Variants in SKAP2 observed in about 807,000 individuals in gnomAD.
SKAP2 encodes src kinase-associated phosphoprotein 2.
Under a neutral mutation model 54.9 loss-of-function variants are expected in SKAP2, and 28 were observed. The ratio of observed to expected loss-of-function variants is 0.51; its 90% CI spans 0.38 to 0.70. The LOEUF (loss-of-function observed/expected upper bound fraction) is 0.70. SKAP2 is among the 30% of genes least tolerant of loss of function. The pLI, the probability that SKAP2 is intolerant of heterozygous loss-of-function variation, is 0.00. For synonymous variants in SKAP2, 137 were observed against 134.3 expected (o/e 1.02, Z -0.14); for missense variants, 356 against 424.1 (o/e 0.84, Z 1.41).
chr7:26,707,643 T>C (rs935920343), intron 9 of SKAP2, among the ~76,000 whole-genome samples: 1 of 152,138 alleles, frequency 6.6e-6, no homozygotes, highest in African/African-American at 2.4e-5. Flanking sequence ...ATCATTTGCA[T>C]GGTGGGGTTG....
chr7:26,663,215 A>G (rs1786045377), downstream of SKAP2, among the ~76,000 whole-genome samples: 1 of 152,124 alleles, frequency 6.6e-6, no homozygotes, highest in Non-Finnish European at 1.5e-5. Context: ...CTCTTGGGCT[A>G]TAAGACAGTC....
At chr7:26,664,475 T>C (rs1786071582), downstream of SKAP2, among the ~76,000 whole-genome samples, 1 of 152,106 alleles carries the variant, frequency 6.6e-6, no homozygotes, top group Non-Finnish European at 1.5e-5. Context: ...GTTGGAATTT[T>C]CTCCTCCACG....
At chr7:26,656,173 C>G in the SKAP2 span, among the ~76,000 whole-genome samples, 1 of 152,154 alleles carries the variant, frequency 6.6e-6, no homozygotes, top group East Asian at 1.9e-4. Flanking sequence ...AGGGTCAGGC[C>G]ATTAGAAACT....
At chr7:26,714,751 T>A (rs1447684177) in intron 9 of SKAP2, among the ~76,000 whole-genome samples, 1 of 152,260 alleles carries the variant, frequency 6.6e-6, no homozygotes, top group Non-Finnish European at 1.5e-5. Context: ...TGTGGCTATG[T>A]GTACATATGT....
intron 4 of SKAP2, among the ~76,000 whole-genome samples, chr7:26,803,804 C>T (rs894567326): frequency 1.3e-5 from 2 of 152,094 alleles, no homozygotes; most frequent in African/African-American, 2.4e-5. Flanking sequence ...AGAATGAGAT[C>T]CAGTCATTTG....
At chr7:26,678,439 GTTC>G (rs1786405396) in intron 11 of SKAP2, among the ~76,000 whole-genome samples, 1 of 143,968 alleles carries the variant, frequency 6.9e-6, no homozygotes, top group Non-Finnish European at 1.5e-5. Flanking sequence ...TTAACTGGTT[GTTC>G]TTTTTTTTTT....
downstream of SKAP2, among the ~76,000 whole-genome samples, chr7:26,664,652 C>A (rs1018274369): frequency 4.6e-4 from 67 of 145,762 alleles, no homozygotes; most frequent in African/African-American, 1.7e-3. Context: ...AAGTTGAGGC[C>A]AATAAACAGA....
chr7:26,727,607 C>T (rs1787735831), intron 6 of SKAP2, among the ~76,000 whole-genome samples: 2 of 151,972 alleles, frequency 1.3e-5, no homozygotes, highest in Non-Finnish European at 2.9e-5. Context: ...AGTACAGAAG[C>T]ATTAGTTACC....
In SKAP2 at chr7:26,839,089, A is replaced by T. The variant is rs375860873; in HGVS notation, c.307+4941T>A. ...CGTATCTAGTCCACTTTGTTATAGTATCATCCGTCCACTCTGTTTTATTCT... is the reference window on the plus strand; with the variant it reads ...CGTATCTAGTCCACTTTGTTATAGTTTCATCCGTCCACTCTGTTTTATTCT... On this transcript the variant is annotated intron_variant, in intron 4 of 12. Transcript: ENST00000345317. Among the ~76,000 whole-genome samples the T allele has an allele frequency of 1.4e-4, 22 of 152,284 alleles. No homozygotes were observed. In the South Asian group the frequency reaches 4.1e-3, roughly 29 times the overall value.
chr7:26,848,712 C>T (rs1784977420), intron 3 of SKAP2, among the ~76,000 whole-genome samples: 1 of 152,084 alleles, frequency 6.6e-6, no homozygotes, highest in South Asian at 2.1e-4. Flanking sequence ...CTACATAGTT[C>T]ACTTGTCTAA....
chr7:26,680,469 G>A (rs1786466858), intron 11 of SKAP2, among the ~76,000 whole-genome samples: 1 of 152,058 alleles, frequency 6.6e-6, no homozygotes, highest in African/African-American at 2.4e-5. Flanking sequence ...AGGAAATACA[G>A]GTTTTCTATC....
At chr7:26,840,964 A>G (rs1231200752) in intron 4 of SKAP2, among the ~76,000 whole-genome samples, 4 of 152,122 alleles carry the variant, frequency 2.6e-5, no homozygotes, top group Non-Finnish European at 4.4e-5. Context: ...AAAAATTTAC[A>G]AAGTACAATA....
chr7:26,753,994 T>C (rs1782737203), intron 4 of SKAP2, among the ~76,000 whole-genome samples: 1 of 152,006 alleles, frequency 6.6e-6, no homozygotes, highest in South Asian at 2.1e-4. Context: ...TGAAGAAACA[T>C]AATAAAAAGG....
At chr7:26,726,817 T>C (rs925987617) in intron 7 of SKAP2, 65 bp downstream of exon 7, 2 of 1,302,148 alleles carry the variant, frequency 1.5e-6, no homozygotes, top group Non-Finnish European at 2.1e-6. Context: ...CAAATGTTAA[T>C]GTCTCTATAA....
rs141730534 is a variant in SKAP2 at position 26,798,914 on chromosome 7, C to T, written c.307+45116G>A. ...TAACTTCAAACCAAAAAACATACAA[C>T]GGACACACAAGACATAAAAAGCAAG... is the stretch of plus-strand genomic sequence containing the variant. On this transcript the variant is annotated intron_variant, in intron 4 of 12. Coordinates refer to ENST00000345317, the MANE Select transcript of SKAP2 (RefSeq NM_003930.5). Among the ~76,000 whole-genome samples, 9 of 151,774 alleles carry T rather than the reference C, an allele frequency of 5.9e-5. 1 individual carries two copies. The highest frequency in any genetic ancestry group is 1.9e-4 in the East Asian group (1 of 5,152).
intron 4 of SKAP2, among the ~76,000 whole-genome samples, chr7:26,745,059 C>T (rs750885237): frequency 3.9e-5 from 6 of 152,032 alleles, no homozygotes; most frequent in Non-Finnish European, 8.8e-5. Context: ...TGCAAAATTA[C>T]GACTAGGTTT....
intron 11 of SKAP2, among the ~76,000 whole-genome samples, chr7:26,672,038 T>C (rs1786255233): frequency 6.6e-6 from 1 of 150,604 alleles, no homozygotes; most frequent in Non-Finnish European, 1.5e-5. Context: ...CAATATAAGA[T>C]TTTTGAAACT....
At chr7:26,776,848 T>C (rs1783321677) in intron 4 of SKAP2, among the ~76,000 whole-genome samples, 1 of 152,176 alleles carries the variant, frequency 6.6e-6, no homozygotes, top group African/African-American at 2.4e-5. Context: ...CCTGACTTTT[T>C]AGCACAACAT....
At chr7:26,801,266 T>C (rs1419905951) in intron 4 of SKAP2, among the ~76,000 whole-genome samples, 1 of 152,208 alleles carries the variant, frequency 6.6e-6, no homozygotes, top group Non-Finnish European at 1.5e-5. Flanking sequence ...CATATGATCA[T>C]TTCAACTGAT....
Sources: allele counts gnomAD v4.1 joint callset (sites outside exome capture counted in the v4.1 genomes callset), GRCh38; gene constraint gnomAD v4.1.1; transcripts MANE v1.5; gene names NCBI Gene and HGNC (gene_info 2026-07-23, HGNC 2026-07-21).